The following LRRC49 variants were observed in gnomAD, a reference collection of about 807,000 sequenced individuals.
LRRC49 encodes leucine rich repeat containing 49.
In LRRC49, 50 loss-of-function variants were observed where a neutral mutation model predicts 83.3. The observed-to-expected ratio is 0.60, with a 90% CI of 0.48 to 0.76. The LOEUF is 0.76. Among genes scored for constraint, LRRC49 ranks in the 30% least tolerant of loss-of-function variants. The probability of loss-of-function intolerance (pLI) is 0.00; values close to 1 mark genes in which losing one functional copy is unlikely to be tolerated. For missense variants in LRRC49, 704 were observed against 809.1 expected (o/e 0.87, Z 1.58); for synonymous variants, 286 against 283.3 (o/e 1.01, Z -0.10).
At chr15:70,958,008 C>T (rs1303219681) in intron 8 of LRRC49, among the ~76,000 whole-genome samples, 1 of 151,948 alleles carries the variant, frequency 6.6e-6, no homozygotes, top group Non-Finnish European at 1.5e-5. Context: ...AGAGTATGTA[C>T]CCTTGTAACC....
chr15:70,888,567 C>T (rs1183453716), upstream of LRRC49, among the ~76,000 whole-genome samples: 1 of 152,072 alleles, frequency 6.6e-6, no homozygotes, highest in Admixed American at 6.5e-5. Context: ...TTATTACAAA[C>T]AGCATAGTAA....
chr15:70,911,488 A>C, intron 5 of LRRC49, 44 bp from the exon 6 acceptor site: 1 of 1,074,754 alleles, frequency 9.3e-7, no homozygotes, highest in Non-Finnish European at 1.4e-6. Flanking sequence ...TTACAGATAG[A>C]TGTGATACAT....
At chr15:70,970,856 A>C (rs1405967854) in intron 9 of LRRC49, among the ~76,000 whole-genome samples, 4 of 151,792 alleles carry the variant, frequency 2.6e-5, no homozygotes, top group African/African-American at 9.7e-5. Flanking sequence ...TTTATTGTGT[A>C]TATTTGATTC....
At chr15:70,992,724 G>C (rs1048792361) in intron 11 of LRRC49, among the ~76,000 whole-genome samples, 12 of 152,220 alleles carry the variant, frequency 7.9e-5, no homozygotes, top group Non-Finnish European at 1.3e-4. Flanking sequence ...AAATGTTGCT[G>C]TCTGATTGTT....
intron 1 of LRRC49, among the ~76,000 whole-genome samples, chr15:70,855,567 G>T (rs920846772): frequency 6.6e-6 from 1 of 152,188 alleles, no homozygotes; most frequent in Non-Finnish European, 1.5e-5. Context: ...CTGGAGGGCA[G>T]TGTCCTTGTA....
chr15:70,898,941 A>T (rs770352649), intron 3 of LRRC49, among the ~76,000 whole-genome samples: 1 of 151,888 alleles, frequency 6.6e-6, no homozygotes, highest in Non-Finnish European at 1.5e-5. Flanking sequence ...TTAACTGCGG[A>T]TCTCTCTGGT....
At chr15:70,908,676 G>A (rs1005683339) in intron 5 of LRRC49, 2 of 152,092 alleles carry the variant, frequency 1.3e-5, no homozygotes, top group African/African-American at 2.4e-5. Flanking sequence ...ATTACAAAAA[G>A]GTAGGTTAGA....
rs2037501814 is a variant in LRRC49 at position 70,984,082 on chromosome 15, A to C, written c.1006-12A>C. On this transcript the variant is annotated splice_polypyrimidine_tract_variant and intron_variant, in intron 10 of 15. Transcript: ENST00000260382. ...CATTATATAACTTTTGTCACAATTA[A>C]CTTTTTCATAGGAGAAGAAAAGGTT... 6.2e-7 allele frequency: 1 copy of C among 1,611,236 alleles called. No homozygotes were observed. Among genetic ancestry groups the C allele is most frequent in the Admixed American group, 1.7e-5 (1 of 59,734 alleles).
At chr15:70,993,907 C>T (rs746228354) in intron 11 of LRRC49, among the ~76,000 whole-genome samples, 11 of 151,968 alleles carry the variant, frequency 7.2e-5, no homozygotes, top group Non-Finnish European at 1.3e-4. Context: ...GGCAGTGGTG[C>T]GATGTTGGCT....
At chr15:70,914,977 G>A (rs1361367726) in intron 6 of LRRC49, among the ~76,000 whole-genome samples, 1 of 152,080 alleles carries the variant, frequency 6.6e-6, no homozygotes, top group Non-Finnish European at 1.5e-5. Flanking sequence ...GACTATATTG[G>A]GACACTCTCT....
intron 13 of LRRC49, among the ~76,000 whole-genome samples, chr15:71,011,001 G>A (rs2038633725): frequency 6.6e-6 from 1 of 152,032 alleles, no homozygotes; most frequent in Admixed American, 6.6e-5. Flanking sequence ...GTACATCTCT[G>A]GATCAATGTA....
intron 8 of LRRC49, among the ~76,000 whole-genome samples, chr15:70,961,457 A>G (rs1264687759): frequency 6.6e-6 from 1 of 152,226 alleles, no homozygotes; most frequent in African/African-American, 2.4e-5. Context: ...GTGAATATTT[A>G]CAGCAGCTTT....
At chr15:70,910,248 G>A (rs1323435452) in intron 5 of LRRC49, among the ~76,000 whole-genome samples, 1 of 152,142 alleles carries the variant, frequency 6.6e-6, no homozygotes, top group Admixed American at 6.5e-5. Flanking sequence ...TTGGCTTGTG[G>A]TAGTAAAATT....
At chr15:71,028,172 C>T (rs934712388) in intron 14 of LRRC49, among the ~76,000 whole-genome samples, 8 of 152,088 alleles carry the variant, frequency 5.3e-5, no homozygotes, top group Admixed American at 1.3e-4. Flanking sequence ...TTAATTTTAT[C>T]GAAGGCCTTT....
At chr15:70,875,765 A>G (rs943136345) in intron 2 of LRRC49, among the ~76,000 whole-genome samples, 5 of 152,214 alleles carry the variant, frequency 3.3e-5, no homozygotes, top group African/African-American at 1.2e-4. Flanking sequence ...ATCTAAGTAC[A>G]CTATAGCCGA....
chr15:70,940,275 G>C (rs1484483010), intron 8 of LRRC49, among the ~76,000 whole-genome samples: 1 of 51,018 alleles, frequency 2.0e-5, no homozygotes, highest in Non-Finnish European at 3.9e-5. Context: ...TTTTTTTTTT[G>C]AGACGGAGTC....
intron 1 of LRRC49, chr15:70,854,014 G>A: frequency 6.9e-7 from 1 of 1,458,200 alleles, no homozygotes; most frequent in Non-Finnish European, 9.1e-7. Flanking sequence ...CCACGTCCTC[G>A]GCCTCCTGGA....
chr15:71,047,747 G>A (rs1038753550), intron 15 of LRRC49, among the ~76,000 whole-genome samples: 14 of 152,034 alleles, frequency 9.2e-5, no homozygotes, highest in African/African-American at 2.9e-4. Flanking sequence ...CACTATCTGT[G>A]ATTTTTAGGA....
chr15:70,944,226 A>G (rs75640944), intron 8 of LRRC49, among the ~76,000 whole-genome samples: 2,219 of 152,284 alleles, frequency 0.015, 53 homozygotes, highest in African/African-American at 0.05. Context: ...CAGGACGGAA[A>G]GAGAGAACAC....
Sources: allele counts gnomAD v4.1 joint callset (sites outside exome capture counted in the v4.1 genomes callset), GRCh38; gene constraint gnomAD v4.1.1; transcripts MANE v1.5; gene names NCBI Gene and HGNC (gene_info 2026-07-23, HGNC 2026-07-21).